The following CCDC7 variants were observed in gnomAD, a reference collection of about 807,000 sequenced individuals.
CCDC7 encodes coiled-coil domain containing 7.
A neutral mutation model predicts 196.9 loss-of-function variants in CCDC7; 183 were observed. The observed-to-expected ratio is 0.93, with a 90% CI of 0.82 to 1.05. The LOEUF (loss-of-function observed/expected upper bound fraction) is 1.05, where lower values mean the gene tolerates loss of function less well. CCDC7 is among the 50% of genes least tolerant of loss of function. The pLI, the probability that CCDC7 is intolerant of heterozygous loss-of-function variation, is 0.00. For synonymous variants in CCDC7, 525 were observed against 484.6 expected (o/e 1.08, Z -1.10); for missense variants, 1,540 against 1,482.2 (o/e 1.04, Z -0.64).
At chr10:32,845,823 G>T (rs2093263779) in intron 35 of CCDC7, 53 bp from the exon 37 acceptor site, 25 of 1,334,056 alleles carry the variant, frequency 1.9e-5, no homozygotes, top group Middle Eastern at 2.3e-4. Flanking sequence ...ACACACAGAG[G>T]TATGGTAATG....
At chr10:32,702,068 A>G (rs530849492) in intron 24 of CCDC7, among the ~76,000 whole-genome samples, 1 of 151,890 alleles carries the variant, frequency 6.6e-6, no homozygotes, top group African/African-American at 2.4e-5. Flanking sequence ...CAAACTTTTG[A>G]ATGTGTTTGC....
intron 8 of CCDC7, among the ~76,000 whole-genome samples, chr10:32,490,315 C>G (rs1489065214): frequency 6.6e-6 from 1 of 150,962 alleles, no homozygotes; most frequent in Non-Finnish European, 1.5e-5. Flanking sequence ...TCTCATCTTG[C>G]TAATGTCATT....
chr10:32,840,021 T>C (rs1171623889), intron 33 of CCDC7, among the ~76,000 whole-genome samples: 2 of 152,046 alleles, frequency 1.3e-5, no homozygotes, highest in African/African-American at 4.8e-5. Flanking sequence ...AGAGGAACTG[T>C]TCATAGCATT....
intron 8 of CCDC7, among the ~76,000 whole-genome samples, chr10:32,484,631 G>A (rs1023357210): frequency 6.6e-6 from 1 of 152,110 alleles, no homozygotes; most frequent in Admixed American, 6.6e-5. Flanking sequence ...TTGGCCGTGG[G>A]TTTGTCATAA....
intron 29 of CCDC7, among the ~76,000 whole-genome samples, chr10:32,792,067 GA>G (rs1252422650): frequency 5.4e-5 from 8 of 147,948 alleles, no homozygotes; most frequent in East Asian, 3.9e-4. Context: ...AGTGCTAAAA[GA>G]AAAAAAAAAT....
At chr10:32,659,314 T>C (rs945461887) in intron 20 of CCDC7, among the ~76,000 whole-genome samples, 10 of 152,244 alleles carry the variant, frequency 6.6e-5, no homozygotes, top group African/African-American at 9.6e-5. Flanking sequence ...AGTGTGCCAC[T>C]AAATTTTCCC....
intron 39 of CCDC7, 48 bp from the exon 41 acceptor site, chr10:32,851,759 A>T: frequency 6.5e-7 from 1 of 1,534,000 alleles, no homozygotes; most frequent in East Asian, 2.3e-5. Flanking sequence ...AAAAATAATT[A>T]CAAATGTCAT....
intron 18 of CCDC7, among the ~76,000 whole-genome samples, chr10:32,585,866 T>G (rs1037449301): frequency 1.3e-5 from 2 of 152,210 alleles, no homozygotes; most frequent in East Asian, 1.9e-4. Context: ...GTAAAATGAT[T>G]TAGAATGCTT....
At chr10:32,760,154 A>C (rs1250662773) in intron 28 of CCDC7, among the ~76,000 whole-genome samples, 2 of 151,760 alleles carry the variant, frequency 1.3e-5, no homozygotes, top group East Asian at 1.9e-4. Flanking sequence ...GTGGGACTGT[A>C]AACTAGTTCA....
intron 29 of CCDC7, 80 bp from the exon 31 acceptor site, chr10:32,804,935 A>T: frequency 1.3e-6 from 1 of 750,602 alleles, no homozygotes; most frequent in Non-Finnish European, 2.3e-6. Context: ...TTTAATACAC[A>T]CACACACACA....
At chr10:32,663,294 T>C (rs2071908923) in intron 20 of CCDC7, among the ~76,000 whole-genome samples, 3 of 152,180 alleles carry the variant, frequency 2.0e-5, no homozygotes, top group Admixed American at 6.6e-5. Flanking sequence ...GAAAAATGAA[T>C]AAAACATGAA....
chr10:32,518,020 T>A (rs1304928978), intron 10 of CCDC7, 45 bp downstream of exon 11: 2 of 1,527,274 alleles, frequency 1.3e-6, no homozygotes, highest in Non-Finnish European at 1.8e-6. Context: ...TGTCCTTGAG[T>A]TCTTAACAGA....
In CCDC7 at chr10:32,850,159, G is replaced by C. The variant is rs141469824; in HGVS notation, c.3895+1441G>C. On this transcript the variant is annotated intron_variant, in intron 39 of 41. Coordinates refer to ENST00000639629, the Ensembl canonical transcript of CCDC7. ...ACCAGGAACAAAATGAGAAGAACAA[G>C]TCTGTCCTTTTTCCTCCAAATTTGC... Among the ~76,000 whole-genome samples, 906 of 152,304 alleles carry C rather than the reference G, an allele frequency of 5.9e-3. 9 individuals carry two copies. The highest frequency in any genetic ancestry group is 0.021 in the African/African-American group (864 of 41,562).
chr10:32,628,324 G>C (rs936868613), intron 18 of CCDC7, among the ~76,000 whole-genome samples: 1 of 151,508 alleles, frequency 6.6e-6, no homozygotes, highest in Non-Finnish European at 1.5e-5. Context: ...GTTTATAGTA[G>C]TCTATTTTGA....
intron 20 of CCDC7, among the ~76,000 whole-genome samples, chr10:32,641,218 G>A (rs2066738832): frequency 6.6e-6 from 1 of 152,156 alleles, no homozygotes; most frequent in Admixed American, 6.5e-5. Context: ...GATTGGGGAA[G>A]TTCTCCTGGA....
At chr10:32,771,977 T>C (rs928084445) in intron 28 of CCDC7, among the ~76,000 whole-genome samples, 8 of 152,314 alleles carry the variant, frequency 5.3e-5, no homozygotes, top group African/African-American at 1.7e-4. Flanking sequence ...TTTGCTTGCC[T>C]TATGTTGTCC....
intron 15 of CCDC7, among the ~76,000 whole-genome samples, chr10:32,570,460 T>A (rs1004014962): frequency 6.6e-6 from 1 of 152,206 alleles, no homozygotes. Flanking sequence ...TTATGACATA[T>A]AGACACAAAA....
chr10:32,644,172 G>T (rs1036290570), intron 20 of CCDC7, among the ~76,000 whole-genome samples: 3 of 151,938 alleles, frequency 2.0e-5, no homozygotes, highest in East Asian at 1.9e-4. Context: ...CATATATATC[G>T]CTAGAAGAAC....
chr10:32,803,933 T>C (rs1179853310), intron 29 of CCDC7, among the ~76,000 whole-genome samples: 1 of 152,178 alleles, frequency 6.6e-6, no homozygotes, highest in Non-Finnish European at 1.5e-5. Flanking sequence ...TACCATTTAA[T>C]TGAACACTTT....
Sources: allele counts gnomAD v4.1 joint callset (sites outside exome capture counted in the v4.1 genomes callset), GRCh38; gene constraint gnomAD v4.1.1; transcripts MANE v1.5; gene names NCBI Gene and HGNC (gene_info 2026-07-23, HGNC 2026-07-21).